INO80: variants seen among roughly 807,000 people sequenced by gnomAD.
INO80 encodes the protein chromatin-remodeling ATPase INO80.
Under a neutral mutation model 203.4 loss-of-function variants are expected in INO80, and 20 were observed. That is an observed-to-expected ratio of 0.10 (90% CI 0.07 to 0.14). The LOEUF (loss-of-function observed/expected upper bound fraction) is 0.14. Ranked by LOEUF, INO80 falls within the 10% of genes least tolerant of loss-of-function variation. The probability of loss-of-function intolerance (pLI) is 1.00; values close to 1 mark genes in which losing one functional copy is unlikely to be tolerated. For synonymous variants in INO80, 726 were observed against 685.2 expected, an observed-to-expected ratio of 1.06 and a Z score of -0.93; for missense variants, 1,419 against 1,914.4, an observed-to-expected ratio of 0.74 and a Z score of 4.83.
chr15:41,103,657 C>T (rs1474793202), intron 1 of INO80, among the ~76,000 whole-genome samples: 2 of 152,142 alleles, frequency 1.3e-5, no homozygotes, highest in African/African-American at 4.8e-5. Context: ...TCCCAAAGCG[C>T]TGGGATTACA....
chr15:41,026,883 C>T (rs79498877), intron 25 of INO80, among the ~76,000 whole-genome samples: 1 of 152,202 alleles, frequency 6.6e-6, no homozygotes, highest in African/African-American at 2.4e-5. Flanking sequence ...CCAATTAAAG[C>T]CTTTCCAGCA....
chr15:41,041,306 G>C (rs2044662209), intron 24 of INO80, among the ~76,000 whole-genome samples: 1 of 151,998 alleles, frequency 6.6e-6, no homozygotes, highest in East Asian at 1.9e-4. Flanking sequence ...GGCCAGGCTG[G>C]TCTCTAACTC....
chr15:41,026,616 A>G (rs1277829941), intron 25 of INO80, among the ~76,000 whole-genome samples: 1 of 152,144 alleles, frequency 6.6e-6, no homozygotes, highest in African/African-American at 2.4e-5. Flanking sequence ...TACACTTGCT[A>G]AGATGAGTGG....
At chr15:41,098,341 G>A (rs2045755818) in intron 1 of INO80, among the ~76,000 whole-genome samples, 1 of 152,132 alleles carries the variant, frequency 6.6e-6, no homozygotes, top group Non-Finnish European at 1.5e-5. Flanking sequence ...ATTAGCCCAT[G>A]CGAATTAAAA....
intron 1 of INO80, among the ~76,000 whole-genome samples, chr15:41,097,479 A>T (rs1248796876): frequency 1.3e-5 from 2 of 152,128 alleles, no homozygotes; most frequent in Non-Finnish European, 2.9e-5. Context: ...ATACTCAATA[A>T]ACCATAAATT....
chr15:41,072,516 C>G (rs559383660), intron 11 of INO80, among the ~76,000 whole-genome samples: 1 of 151,052 alleles, frequency 6.6e-6, no homozygotes, highest in African/African-American at 2.4e-5. Context: ...GTCAGGAGAT[C>G]GAGACCATCC....
chr15:41,041,170 GATCCTTCCACCTCAGCCTTCCA>G (rs1345658230), intron 24 of INO80, among the ~76,000 whole-genome samples: 1 of 151,982 alleles, frequency 6.6e-6, no homozygotes, highest in African/African-American at 2.4e-5. Flanking sequence ...GGGCTCAGGC[GATCCTTCCACCTCAGCCTTCCA>G]ATCCTCCCAC....
At chr15:41,087,482 A>AT in intron 6 of INO80, 80 bp downstream of exon 6, 1 of 1,452,584 alleles carries the variant, frequency 6.9e-7, no homozygotes, top group Non-Finnish European at 9.4e-7. Flanking sequence ...CTTATATATA[A>AT]AGTCCAAATG....
intron 29 of INO80, among the ~76,000 whole-genome samples, chr15:40,995,586 C>G (rs1275126326): frequency 9.2e-5 from 14 of 152,078 alleles, no homozygotes; most frequent in Admixed American, 2.6e-4. Context: ...CAGAGAGAAA[C>G]TAACAGAGTA....
chr15:41,003,122 A>AAAAAAC (rs992973572), intron 28 of INO80, among the ~76,000 whole-genome samples: 1 of 96,276 alleles, frequency 1.0e-5, no homozygotes, highest in South Asian at 2.9e-4. Flanking sequence ...TCTGTCTCAG[A>AAAAAAC]AAAAACAAAA....
Position 41,021,001 on chromosome 15 carries a change from G to A in INO80, c.3173C>T (p.Ala1058Val). The part of the protein sequence containing the change: ...QCLLNGAPEL[A>V]ADWLNRRSQF... Reference sequence around the variant, plus strand: ...TGATCGTCTATTTAGCCAGTCTGCAGCCAGTTCAGGGGCCCCATTCAACAA... The same window carrying A: ...TGATCGTCTATTTAGCCAGTCTGCAACCAGTTCAGGGGCCCCATTCAACAA... Residue 1058 changes from alanine to valine, a missense_variant, in exon 26 of 36, where the codon GCT becomes GTT. By Grantham distance (64) the Ala-to-Val change is moderately conservative. Coordinates refer to ENST00000648947, the MANE Select transcript of INO80 (RefSeq NM_017553.3). 6.2e-7 allele frequency: 1 copy of A among 1,614,110 alleles called. No homozygotes were observed. The highest frequency in any genetic ancestry group is 8.5e-7 in the Non-Finnish European group (1 of 1,179,960).
intron 24 of INO80, among the ~76,000 whole-genome samples, chr15:41,031,544 G>A (rs1226487032): frequency 5.5e-4 from 3 of 5,418 alleles, no homozygotes; most frequent in Non-Finnish European, 7.5e-4. Context: ...GGGAGGAAGG[G>A]AGGAGGGAGG....
intron 28 of INO80, among the ~76,000 whole-genome samples, chr15:41,002,473 C>A (rs1370428745): frequency 6.6e-6 from 1 of 152,158 alleles, no homozygotes; most frequent in East Asian, 1.9e-4. Flanking sequence ...ATACTGAGCC[C>A]TGGGTCTCAC....
At chr15:41,093,832 G>A (rs1279748254) in intron 4 of INO80, among the ~76,000 whole-genome samples, 5 of 152,084 alleles carry the variant, frequency 3.3e-5, no homozygotes, top group Non-Finnish European at 7.3e-5. Context: ...GTGAAAAAGT[G>A]AGACCCTGTC....
intron 28 of INO80, among the ~76,000 whole-genome samples, chr15:40,998,874 C>T (rs1010467900): frequency 2.0e-5 from 3 of 151,996 alleles, no homozygotes; most frequent in African/African-American, 7.3e-5. Flanking sequence ...GTTGACCAGG[C>T]TGGTCTCCTA....
chr15:40,991,926 C>T (rs994725971), intron 29 of INO80, among the ~76,000 whole-genome samples: 1 of 152,074 alleles, frequency 6.6e-6, no homozygotes, highest in African/African-American at 2.4e-5. Flanking sequence ...TACAGGCGTC[C>T]GCCACCATGC....
At chr15:41,037,953 T>C (rs1040955225) in intron 24 of INO80, among the ~76,000 whole-genome samples, 1 of 150,362 alleles carries the variant, frequency 6.7e-6, no homozygotes, top group African/African-American at 2.4e-5. Context: ...AAAAAAAAAG[T>C]GTAGTTAACC....
Position 41,085,836 on chromosome 15 carries a change from C to T in INO80, c.659-253G>A, listed in dbSNP as rs191118923. Among the ~76,000 whole-genome samples, 24 of 152,240 alleles carry T rather than the reference C, an allele frequency of 1.6e-4. 2 individuals carry two copies. The highest frequency in any genetic ancestry group is 1.5e-3 in the Admixed American group (23 of 15,268). The stretch of plus-strand genomic sequence containing the variant: ...ACTCTGTTTATATGAAAGTGAAATA[C>T]AGAATAAAACCCGAGAACCAAATTT... On this transcript the variant is annotated intron_variant, in intron 6 of 35. Coordinates refer to ENST00000648947, the MANE Select transcript of INO80 (RefSeq NM_017553.3).
chr15:40,991,967 G>A (rs1043423450), intron 29 of INO80, among the ~76,000 whole-genome samples: 9 of 152,048 alleles, frequency 5.9e-5, no homozygotes, highest in Admixed American at 5.9e-4. Flanking sequence ...TTAGAGAGAC[G>A]GGGTTTCACT....
Sources: gnomAD v4.1 joint callset for allele counts (sites outside exome capture counted in the v4.1 genomes callset) on GRCh38, gnomAD v4.1.1 for gene constraint, MANE v1.5 for transcripts, NCBI Gene and HGNC (gene_info 2026-07-23, HGNC 2026-07-21) for gene names.